ARHGAP35: variants seen among roughly 807,000 people sequenced by gnomAD.
ARHGAP35 encodes the protein rho GTPase-activating protein 35.
Under a neutral mutation model 111.1 loss-of-function variants are expected in ARHGAP35, and 15 were observed. The observed-to-expected ratio is 0.13, with a 90% CI of 0.09 to 0.21. ARHGAP35 has a LOEUF of 0.21. Among genes scored for constraint, ARHGAP35 ranks in the 10% least tolerant of loss-of-function variants. The pLI is 1.00. For synonymous variants in ARHGAP35, 643 were observed against 710.3 expected, an observed-to-expected ratio of 0.91 and a Z score of 1.51; for missense variants, 1,262 against 1,873.0, an observed-to-expected ratio of 0.67 and a Z score of 6.02.
rs757197228 is a variant in ARHGAP35 at position 46,922,166 on chromosome 19, G to A, written c.3491G>A (p.Arg1164Gln). The A allele has an allele frequency of 2.5e-5, 41 of 1,613,876 alleles. No individual in the cohort carries two copies. Among genetic ancestry groups the A allele is most frequent in the Non-Finnish European group, 3.1e-5 (37 of 1,179,906 alleles). ...KPVLYRTRCT[R>Q]LGRFASYRTS... ...GTGCTGTACAGGACGAGATGCACCC[G>A]GCTGGGGCGGTTTGCTAGTTACCGG... Residue 1164 changes from arginine to glutamine, a missense_variant, in exon 2 of 7, where the codon CGG (arginine) becomes CAG (glutamine). Arg to Gln is a conservative substitution (Grantham distance 43). Around this residue, in one of 8 missense-constraint regions of ARHGAP35, gnomAD observed 579 missense variants for 716.9 expected, o/e 0.81. Coordinates refer to ENST00000672722, the MANE Select transcript of ARHGAP35 (RefSeq NM_004491.5). The surrounding 1 kb of genome is among the most constrained non-coding windows in gnomAD (Gnocchi z 4.0).
chr19:46,996,000 G>C (rs985463586), intron 5 of ARHGAP35, among the ~76,000 whole-genome samples: 2 of 152,248 alleles, frequency 1.3e-5, no homozygotes, highest in Non-Finnish European at 1.5e-5. Context: ...GGCAGCCAGT[G>C]GGGAGGGGAG....
At chr19:46,969,201 TGTG>T (rs368602671) in intron 3 of ARHGAP35, among the ~76,000 whole-genome samples, 70 of 152,268 alleles carry the variant, frequency 4.6e-4, no homozygotes, top group African/African-American at 1.2e-3. Flanking sequence ...GCTCTAAAAT[TGTG>T]GTGATACTTG....
intron 1 of ARHGAP35, among the ~76,000 whole-genome samples, chr19:46,896,534 A>G (rs1308354467): frequency 6.6e-6 from 1 of 152,260 alleles, no homozygotes; most frequent in African/African-American, 2.4e-5. Context: ...GTAAAAGAGC[A>G]AGTGGATTAG....
chr19:46,868,065 G>T (rs1032359850), intron 1 of ARHGAP35, among the ~76,000 whole-genome samples: 2 of 152,048 alleles, frequency 1.3e-5, no homozygotes, highest in African/African-American at 2.4e-5. Context: ...ACGGGGTTTT[G>T]CCATGTTGGC....
At chr19:46,941,205 T>G (rs2056344876) in intron 3 of ARHGAP35, among the ~76,000 whole-genome samples, 2 of 152,212 alleles carry the variant, frequency 1.3e-5, no homozygotes, top group Admixed American at 6.5e-5. Context: ...CTTAGGGCAT[T>G]CCCCTTGTGT....
intron 3 of ARHGAP35, among the ~76,000 whole-genome samples, chr19:46,937,911 T>A (rs1445262251): frequency 6.6e-6 from 1 of 152,226 alleles, no homozygotes; most frequent in Admixed American, 6.5e-5. Flanking sequence ...ATGATTAGGA[T>A]GTTTGGGATA....
chr19:46,864,393 G>C (rs1429062588), intron 1 of ARHGAP35, among the ~76,000 whole-genome samples: 1 of 152,140 alleles, frequency 6.6e-6, no homozygotes. Context: ...TAAATCAAAA[G>C]CCTGATTTTT....
chr19:46,914,674 T>G (rs1349725998), intron 1 of ARHGAP35, among the ~76,000 whole-genome samples: 1 of 152,196 alleles, frequency 6.6e-6, no homozygotes, highest in Non-Finnish European at 1.5e-5. Context: ...TTCTTTAGCA[T>G]CCTTCAAATA....
chr19:46,939,405 AT>A (rs150955489), intron 3 of ARHGAP35, among the ~76,000 whole-genome samples: 3 of 134,398 alleles, frequency 2.2e-5, no homozygotes, highest in East Asian at 2.0e-4. Context: ...TTATTTATTT[AT>A]TTATTTATTA....
intron 3 of ARHGAP35, among the ~76,000 whole-genome samples, chr19:46,985,723 C>T (rs555781137): frequency 6.6e-4 from 100 of 152,296 alleles, no homozygotes; most frequent in African/African-American, 2.2e-3. Flanking sequence ...CAGGCGAGTA[C>T]AGCAGTGGCA....
chr19:46,922,446 C>G lies in ARHGAP35; in HGVS notation c.3681+90C>G. The stretch of plus-strand genomic sequence containing the variant: ...GATGATTTTTCAAGGACAACCTATT[C>G]TGGTAAAAAAAAAACTGCCCTGTGT... On this transcript the variant is annotated intron_variant, in intron 2 of 6. Coordinates refer to ENST00000672722, the MANE Select transcript of ARHGAP35 (RefSeq NM_004491.5). The surrounding 1 kb of genome is among the most constrained non-coding windows in gnomAD (Gnocchi z 4.0). 7.7e-7 allele frequency: 1 copy of G among 1,292,946 alleles called. No homozygotes were observed. Among genetic ancestry groups the G allele is most frequent in the Non-Finnish European group, 1.0e-6 (1 of 976,558 alleles). 80.1% of individuals were successfully genotyped at this position (1,292,946 alleles called of 1,614,324 possible).
At chr19:46,978,604 TGGTGTG>T (rs2056593820) in intron 3 of ARHGAP35, among the ~76,000 whole-genome samples, 1 of 58,038 alleles carries the variant, frequency 1.7e-5, no homozygotes, top group Non-Finnish European at 3.5e-5. Flanking sequence ...GGGGGGGGTG[TGGTGTG>T]GTGTGTGTGG....
intron 3 of ARHGAP35, 96 bp downstream of exon 3, chr19:46,937,504 G>A: frequency 7.2e-7 from 1 of 1,397,200 alleles, no homozygotes; most frequent in Non-Finnish European, 1.0e-6. Flanking sequence ...ATCAGTTGTT[G>A]TTGATTGTGA....
At chr19:46,958,626 CT>C (rs2056456834) in intron 3 of ARHGAP35, among the ~76,000 whole-genome samples, 3 of 152,158 alleles carry the variant, frequency 2.0e-5, no homozygotes, top group Admixed American at 1.3e-4. Flanking sequence ...GTTGCTCTAC[CT>C]CGTTGATTGA....
intron 1 of ARHGAP35, among the ~76,000 whole-genome samples, chr19:46,884,543 C>G (rs1290874504): frequency 1.4e-5 from 2 of 140,610 alleles, no homozygotes; most frequent in African/African-American, 2.7e-5. Flanking sequence ...GTCTCTTGTC[C>G]AGACTGGAGC....
In ARHGAP35 at chr19:46,901,808, C is replaced by T. The variant is rs1437029789; in HGVS notation, c.-188-16680C>T. Among the ~76,000 whole-genome samples the T allele has an allele frequency of 2.0e-5, 3 of 152,164 alleles. No individual in the cohort carries two copies. Among genetic ancestry groups the T allele is most frequent in the African/African-American group, 7.2e-5 (3 of 41,448 alleles). ...TTAGCCCCTAGAGACTTACCTGTCT[C>T]CTTGAAGAACATCATTGTCCAGTGA... On this transcript the variant is annotated intron_variant, in intron 1 of 6. Transcript: ENST00000672722. The surrounding 1 kb of genome is among the most constrained non-coding windows in gnomAD (Gnocchi z 4.5).
chr19:47,001,091 G>A lies in ARHGAP35; in HGVS notation c.*403G>A. On this transcript the variant is annotated 3_prime_UTR_variant, in exon 7 of 7. Coordinates refer to ENST00000672722, the MANE Select transcript of ARHGAP35 (RefSeq NM_004491.5). This position sits in a 1 kb window ranked among gnomAD's most constrained non-coding sequence, Gnocchi z 5.4. ...ATGCTCTGAGATTCAGGGTGGGGCT[G>A]GCAACCCCTGAAGAGAACACTTCCT... The A allele has an allele frequency of 1.6e-6, 2 of 1,278,282 alleles. No individual in the cohort carries two copies. The highest frequency in any genetic ancestry group is 2.6e-5 in the Admixed American group (1 of 38,290). 79.2% of individuals were successfully genotyped at this position (1,278,282 alleles called of 1,614,324 possible). A position where few individuals can be genotyped will look rare whatever the true frequency, so the allele number is the denominator to read the frequency against.
In ARHGAP35 at chr19:46,994,339, A is replaced by T. The variant is rs1264460405; in HGVS notation, c.4036+4664A>T. On this transcript the variant is annotated intron_variant, in intron 5 of 6. Transcript: ENST00000672722. The surrounding 1 kb of genome is among the most constrained non-coding windows in gnomAD (Gnocchi z 5.4). ...CTGAAGATGGTGAGTGGCTGCCCTG[A>T]GTGTGCCGCTGCCCTGTGACCAGGT... is the stretch of plus-strand genomic sequence containing the variant. Among the ~76,000 whole-genome samples, 1 of 152,160 alleles carries T rather than the reference A, an allele frequency of 6.6e-6. No homozygotes were observed. The highest frequency in any genetic ancestry group is 1.5e-5 in the Non-Finnish European group (1 of 68,016).
chr19:46,903,232 GCA>G (rs2056090306), intron 1 of ARHGAP35, among the ~76,000 whole-genome samples: 1 of 152,216 alleles, frequency 6.6e-6, no homozygotes, highest in South Asian at 2.1e-4. Context: ...TCTTCATTCT[GCA>G]CACAGTAATC....
Sources: gnomAD v4.1 joint callset for allele counts (sites outside exome capture counted in the v4.1 genomes callset) on GRCh38, gnomAD v4.1.1 for gene constraint, gnomAD v4.1.1 regional missense constraint, Gnocchi (gnomAD v3.1) non-coding constraint, MANE v1.5 for transcripts, NCBI Gene and HGNC (gene_info 2026-07-23, HGNC 2026-07-21) for gene names.